Variants in FHIT observed in about 807,000 individuals in gnomAD.
The protein encoded by FHIT is bis(5'-adenosyl)-triphosphatase.
In FHIT, 19 loss-of-function variants were observed where a neutral mutation model predicts 17.9. The observed-to-expected ratio is 1.06, with a 90% CI of 0.74 to 1.56. The LOEUF is 1.56. FHIT is among the 40% of genes most tolerant of loss of function. FHIT has a pLI of 0.00. For missense variants in FHIT, 248 were observed against 189.2 expected (o/e 1.31, Z -1.82); for synonymous variants, 81 against 69.7 (o/e 1.16, Z -0.81).
intron 4 of FHIT, among the ~76,000 whole-genome samples, chr3:60,640,568 T>G (rs1203754495): frequency 2.0e-5 from 3 of 152,156 alleles, no homozygotes; most frequent in Non-Finnish European, 4.4e-5. Context: ...TGTGTGCACT[T>G]TTGCTGTTTT....
chr3:61,091,984 C>A (rs1393130831), intron 2 of FHIT, among the ~76,000 whole-genome samples: 2 of 150,044 alleles, frequency 1.3e-5, no homozygotes, highest in African/African-American at 4.9e-5. Flanking sequence ...GAGTCAGGCT[C>A]CCAGGAATTC....
chr3:60,172,612 G>A (rs930722860), intron 5 of FHIT, among the ~76,000 whole-genome samples: 2 of 152,066 alleles, frequency 1.3e-5, no homozygotes, highest in African/African-American at 4.8e-5. Flanking sequence ...AAAGAAAGAC[G>A]TGGGATAGGG....
intron 5 of FHIT, among the ~76,000 whole-genome samples, chr3:60,037,398 T>G (rs1301383258): frequency 6.6e-6 from 1 of 151,822 alleles, no homozygotes; most frequent in Non-Finnish European, 1.5e-5. Context: ...TTCTTTTTTT[T>G]TTTTTTTTGA....
chr3:60,093,655 T>C (rs1410112327), intron 5 of FHIT, among the ~76,000 whole-genome samples: 1 of 152,188 alleles, frequency 6.6e-6, no homozygotes, highest in Admixed American at 6.5e-5. Context: ...GTTAGCTTCC[T>C]ATCAGATCAG....
At chr3:59,774,717 C>A (rs971437486) in intron 8 of FHIT, among the ~76,000 whole-genome samples, 1 of 152,126 alleles carries the variant, frequency 6.6e-6, no homozygotes, top group African/African-American at 2.4e-5. Flanking sequence ...CATTTTCTGT[C>A]TTGTTCCAGC....
intron 5 of FHIT, among the ~76,000 whole-genome samples, chr3:60,258,102 CT>C (rs1706107414): frequency 1.2e-5 from 1 of 85,394 alleles, no homozygotes; most frequent in African/African-American, 4.0e-5. Flanking sequence ...ACACACACAC[CT>C]CTGCAGATTT....
At chr3:60,291,661 A>G (rs1243120926) in intron 5 of FHIT, among the ~76,000 whole-genome samples, 1 of 151,658 alleles carries the variant, frequency 6.6e-6, no homozygotes, top group Admixed American at 6.6e-5. Context: ...TCTGCTGAGA[A>G]CTCTTTTACC....
intron 5 of FHIT, among the ~76,000 whole-genome samples, chr3:60,167,942 T>G (rs1159350071): frequency 6.6e-6 from 1 of 152,092 alleles, no homozygotes; most frequent in Non-Finnish European, 1.5e-5. Flanking sequence ...GAAGATGGGC[T>G]GAGCCTGAGA....
intron 3 of FHIT, among the ~76,000 whole-genome samples, chr3:60,836,934 C>T (rs1208453716): frequency 6.6e-6 from 1 of 152,098 alleles, no homozygotes; most frequent in Non-Finnish European, 1.5e-5. Flanking sequence ...TCTTTACTTC[C>T]CCTTTATTCC....
intron 5 of FHIT, among the ~76,000 whole-genome samples, chr3:60,223,102 T>G (rs1322941530): frequency 6.6e-6 from 1 of 152,158 alleles, no homozygotes; most frequent in Non-Finnish European, 1.5e-5. Flanking sequence ...TTGGGAAAAC[T>G]GGATCAGAGA....
At chr3:60,256,853 A>G (rs1706021955) in intron 5 of FHIT, among the ~76,000 whole-genome samples, 1 of 152,188 alleles carries the variant, frequency 6.6e-6, no homozygotes, top group Non-Finnish European at 1.5e-5. Flanking sequence ...TCTTACTAAT[A>G]TTCAGCTCCC....
Position 60,866,056 on chromosome 3 carries a change from T to C in FHIT, c.-110-44045A>G, listed in dbSNP as rs569730421. Reference sequence around the variant, plus strand: ...TCAGATGGAGGCCCTGAATCAGAGATGCCTGTCATCTGTTCCCAAAGGCTC... The same window carrying C: ...TCAGATGGAGGCCCTGAATCAGAGACGCCTGTCATCTGTTCCCAAAGGCTC... On this transcript the variant is annotated intron_variant, in intron 3 of 9. Transcript: ENST00000492590. Among the ~76,000 whole-genome samples, 3 of 152,276 alleles carry C rather than the reference T, an allele frequency of 2.0e-5. No individual in the cohort carries two copies. In the South Asian group the frequency reaches 6.2e-4, roughly 32 times the overall value.
At chr3:60,114,489 C>CTTTTTTT (rs1576129465) in intron 5 of FHIT, among the ~76,000 whole-genome samples, 27 of 61,592 alleles carry the variant, frequency 4.4e-4, no homozygotes, top group South Asian at 1.6e-3. Flanking sequence ...AAGAGAAATC[C>CTTTTTTT]TTTTTTTTTT....
At chr3:59,841,018 CT>C (rs1260727545) in intron 8 of FHIT, among the ~76,000 whole-genome samples, 6 of 152,178 alleles carry the variant, frequency 3.9e-5, no homozygotes, top group Non-Finnish European at 7.3e-5. Flanking sequence ...CTCACTTCAT[CT>C]CTAGATTTTG....
intron 2 of FHIT, among the ~76,000 whole-genome samples, chr3:61,145,708 C>A (rs1046195810): frequency 2.6e-5 from 4 of 151,886 alleles, no homozygotes; most frequent in Non-Finnish European, 5.9e-5. Context: ...CAACTACTTT[C>A]TAGTTTTCAC....
At chr3:60,702,743 C>T (rs1220228174) in intron 4 of FHIT, among the ~76,000 whole-genome samples, 1 of 152,076 alleles carries the variant, frequency 6.6e-6, no homozygotes, top group African/African-American at 2.4e-5. Flanking sequence ...ACCCATAACA[C>T]AGTGCTAAGT....
chr3:60,025,944 A>G (rs531980982), intron 5 of FHIT, among the ~76,000 whole-genome samples: 2 of 152,328 alleles, frequency 1.3e-5, no homozygotes, highest in South Asian at 4.1e-4. Flanking sequence ...GTGTCAAGAA[A>G]GCAAACTTTT....
At chr3:59,971,516 C>A (rs1708182031) in intron 7 of FHIT, among the ~76,000 whole-genome samples, 1 of 151,940 alleles carries the variant, frequency 6.6e-6, no homozygotes, top group Admixed American at 6.6e-5. Flanking sequence ...TTGCTAACCT[C>A]CCATAATCAA....
chr3:60,889,660 C>G (rs1426572440), intron 3 of FHIT, among the ~76,000 whole-genome samples: 2 of 152,082 alleles, frequency 1.3e-5, no homozygotes, highest in African/African-American at 2.4e-5. Flanking sequence ...CAGTGTAGTA[C>G]CCTATAGCTG....
Sources: allele counts gnomAD v4.1 joint callset (sites outside exome capture counted in the v4.1 genomes callset), GRCh38; gene constraint gnomAD v4.1.1; transcripts MANE v1.5; gene names NCBI Gene and HGNC (gene_info 2026-07-23, HGNC 2026-07-21).